Variants in NASP observed in about 807,000 individuals in gnomAD.
NASP encodes the protein NASP histone chaperone.
Under a neutral mutation model 89.5 loss-of-function variants are expected in NASP, and 24 were observed. The ratio of observed to expected loss-of-function variants is 0.27; its 90% CI spans 0.19 to 0.38. The LOEUF (loss-of-function observed/expected upper bound fraction) is 0.38. Ranked by LOEUF, NASP falls within the 10% of genes least tolerant of loss-of-function variation. The pLI, the probability that NASP is intolerant of heterozygous loss-of-function variation, is 1.00. For synonymous variants in NASP, 306 were observed against 324.7 expected, an observed-to-expected ratio of 0.94 and a Z score of 0.62; for missense variants, 848 against 921.4, an observed-to-expected ratio of 0.92 and a Z score of 1.03.
intron 2 of NASP, among the ~76,000 whole-genome samples, chr1:45,595,182 TG>T (rs1643663084): frequency 7.1e-6 from 1 of 140,762 alleles, no homozygotes; most frequent in Admixed American, 7.1e-5. Context: ...TGTGTGTGTG[TG>T]TGTGTTTTAG....
intron 5 of NASP, 54 bp from the exon 6 acceptor site, chr1:45,607,267 C>T (rs759146614): frequency 1.3e-6 from 2 of 1,561,996 alleles, no homozygotes; most frequent in Non-Finnish European, 1.7e-6. Flanking sequence ...CCATTTATGC[C>T]TTTATCATTA....
In NASP at chr1:45,618,162, C is replaced by T; in HGVS notation, c.*21C>T. 6.4e-7 allele frequency: 1 copy of T among 1,553,260 alleles called. No homozygotes were observed. On this transcript the variant is annotated 3_prime_UTR_variant, in exon 15 of 15. Coordinates refer to ENST00000350030, the MANE Select transcript of NASP (RefSeq NM_002482.4). ...GTTAAGAGGGGGCACAGCCCTCCTCCCAAGGGAAAGTGTTTTTGTATATAA... is the reference window on the plus strand; with the variant it reads ...GTTAAGAGGGGGCACAGCCCTCCTCTCAAGGGAAAGTGTTTTTGTATATAA...
At chr1:45,616,075 T>C (rs1276959767) in intron 11 of NASP, among the ~76,000 whole-genome samples, 1 of 152,256 alleles carries the variant, frequency 6.6e-6, no homozygotes, top group Non-Finnish European at 1.5e-5. Flanking sequence ...AATTGCCTGG[T>C]TCTGTTTTTG....
At chr1:45,586,276 GTGTGTGTGGT>G (rs1445866194) in intron 1 of NASP, among the ~76,000 whole-genome samples, 117 of 51,016 alleles carry the variant, frequency 2.3e-3, no homozygotes, top group Middle Eastern at 8.5e-3. Context: ...GTGTGTGTGT[GTGTGTGTGGT>G]GTGTGTGTGT....
chr1:45,584,219 T>C lies in NASP; in HGVS notation c.59+14T>C. The C allele has an allele frequency of 6.3e-7, 1 of 1,576,656 alleles. No homozygotes were observed. Among genetic ancestry groups the C allele is most frequent in the Non-Finnish European group, 8.6e-7 (1 of 1,160,656 alleles). On this transcript the variant is annotated intron_variant, in intron 1 of 14. Coordinates refer to ENST00000350030, the MANE Select transcript of NASP (RefSeq NM_002482.4). ...TTCTGCCGACAAGTAAGCGGGACTG[T>C]GGAAAGCTTAAGGCACTGGCCAGTC...
chr1:45,608,090 A>G lies in NASP; in HGVS notation c.1179A>G (p.Glu393=). ...TTGTAGGAGATCAGACTCCTATTGAACCACAGACTTCTATAGAAAGACTGA... is the reference window on the plus strand; with the variant it reads ...TTGTAGGAGATCAGACTCCTATTGAGCCACAGACTTCTATAGAAAGACTGA... ...PSVVGDQTPI[E]PQTSIERLTE... is the part of the protein sequence containing the mutation. The change falls in exon 6 of 15, where the codon GAA becomes GAG. Residue 393 remains glutamate (E), a synonymous_variant. Coordinates refer to ENST00000350030, the MANE Select transcript of NASP (RefSeq NM_002482.4). 1 of 1,614,008 alleles carries G rather than the reference A, an allele frequency of 6.2e-7. No individual in the cohort carries two copies. The highest frequency in any genetic ancestry group is 8.5e-7 in the Non-Finnish European group (1 of 1,179,904).
chr1:45,612,868 T>A (rs1274141812), intron 6 of NASP: 1 of 215,064 alleles, frequency 4.6e-6, no homozygotes, highest in Admixed American at 5.9e-5. Flanking sequence ...AGCCATTGAA[T>A]AAGAGGCAGT....
chr1:45,591,511 A>G (rs749499198), intron 2 of NASP, among the ~76,000 whole-genome samples: 12 of 151,910 alleles, frequency 7.9e-5, no homozygotes, highest in Non-Finnish European at 1.6e-4. Flanking sequence ...ATGCCACTAC[A>G]CTTCGCTCAT....
At chr1:45,584,784 T>C (rs1386909506) in intron 1 of NASP, among the ~76,000 whole-genome samples, 1 of 152,028 alleles carries the variant, frequency 6.6e-6, no homozygotes, top group Non-Finnish European at 1.5e-5. Context: ...GAAAACTCCA[T>C]TGTTTGGGGC....
At chr1:45,599,065 C>T (rs1197727547) in intron 2 of NASP, among the ~76,000 whole-genome samples, 1 of 152,080 alleles carries the variant, frequency 6.6e-6, no homozygotes, top group Non-Finnish European at 1.5e-5. Flanking sequence ...CCTCAGGTTC[C>T]TGTCTAGATT....
intron 6 of NASP, 165 bp from the exon 7 acceptor site, chr1:45,613,004 C>A: frequency 2.1e-6 from 2 of 952,672 alleles, no homozygotes; most frequent in East Asian, 6.3e-5. Context: ...TACACTTGAA[C>A]TAGACTGCAC....
At chr1:45,593,572 A>G (rs1643607721) in intron 2 of NASP, among the ~76,000 whole-genome samples, 1 of 146,370 alleles carries the variant, frequency 6.8e-6, no homozygotes, top group African/African-American at 2.5e-5. Flanking sequence ...GAACAGTTTT[A>G]TATTTTTATT....
chr1:45,614,871 T>C, intron 9 of NASP, 142 bp from the exon 10 acceptor site: 1 of 763,264 alleles, frequency 1.3e-6, no homozygotes, highest in South Asian at 1.9e-5. Flanking sequence ...TGACTTTCTT[T>C]ATAGCCAAGG....
chr1:45,590,682 CTTTT>C (rs386366869), intron 1 of NASP, among the ~76,000 whole-genome samples: 1 of 107,182 alleles, frequency 9.3e-6, no homozygotes, highest in Non-Finnish European at 1.8e-5. Flanking sequence ...CATAGTGTAA[CTTTT>C]TTTTTTTTTT....
intron 2 of NASP, among the ~76,000 whole-genome samples, 181 bp from the exon 3 acceptor site, chr1:45,602,074 T>A (rs1643861785): frequency 6.6e-6 from 1 of 152,144 alleles, no homozygotes; most frequent in African/African-American, 2.4e-5. Context: ...TAGTCAGGCT[T>A]CTGGGAATGT....
chr1:45,593,891 T>C (rs1025636313), intron 2 of NASP, among the ~76,000 whole-genome samples: 1 of 151,134 alleles, frequency 6.6e-6, no homozygotes, highest in Admixed American at 6.6e-5. Context: ...TAACTGTTCG[T>C]TGTGGCACTT....
At chr1:45,608,944 T>A (rs1374146827) in intron 6 of NASP, among the ~76,000 whole-genome samples, 1 of 152,020 alleles carries the variant, frequency 6.6e-6, no homozygotes, top group East Asian at 1.9e-4. Flanking sequence ...TTCACATTAG[T>A]TAAAACAGGC....
In NASP at chr1:45,604,572, T is replaced by G. The variant is rs541847378; in HGVS notation, c.219-364T>G. Among the ~76,000 whole-genome samples, 55 of 152,322 alleles carry G rather than the reference T, an allele frequency of 3.6e-4. 1 individual carries two copies. The highest frequency in any genetic ancestry group is 1.3e-3 in the African/African-American group (53 of 41,572). The stretch of plus-strand genomic sequence containing the variant: ...TATTCTGCGCTTTACATCATGCCTT[T>G]CCATGGGCCTTAATCATCCTCTAGG... On this transcript the variant is annotated intron_variant, in intron 3 of 14. Transcript: ENST00000350030.
At position 45,618,082 on chromosome 1, in the gene NASP, C is replaced by T. The variant is rs770749858; in HGVS notation, c.2308C>T (p.Arg770Trp). 27 of 1,602,602 alleles carry T rather than the reference C, an allele frequency of 1.7e-5. No homozygotes were observed. The highest frequency in any genetic ancestry group is 6.8e-5 in the South Asian group (6 of 88,630). ...CCAGGCTGAGAATCAGGCTGAAAGC[C>T]GGGCAGCAGTGGAGGGGACAGTGGA... ...EEEAENQAESRAAVEGTVEAG... is the reference protein window; with the variant it reads ...EEEAENQAESWAAVEGTVEAG... The change falls in exon 15 of 15, where the codon CGG becomes TGG. Residue 770 changes from arginine to tryptophan, a missense_variant. Arg to Trp is a moderately radical substitution (Grantham distance 101, BLOSUM62 -3). Transcript: ENST00000350030.
Sources: allele counts gnomAD v4.1 joint callset (sites outside exome capture counted in the v4.1 genomes callset), GRCh38; gene constraint gnomAD v4.1.1; transcripts MANE v1.5; gene names NCBI Gene and HGNC (gene_info 2026-07-23, HGNC 2026-07-21).